Variants in TMC2 observed in about 807,000 individuals in gnomAD.
TMC2 encodes transmembrane channel-like protein 2.
A neutral mutation model predicts 105.9 loss-of-function variants in TMC2; 102 were observed. The ratio of observed to expected loss-of-function variants is 0.96; its 90% CI spans 0.82 to 1.14. The LOEUF is 1.14. TMC2 is among the 50% of genes most tolerant of loss of function. The pLI, the probability that TMC2 is intolerant of heterozygous loss-of-function variation, is 0.00. For synonymous variants in TMC2, 402 were observed against 422.8 expected (o/e 0.95, Z 0.60); for missense variants, 1,093 against 1,134.3 (o/e 0.96, Z 0.52).
chr20:2,569,326 C>A (rs1345813023), intron 4 of TMC2, among the ~76,000 whole-genome samples: 2 of 152,214 alleles, frequency 1.3e-5, no homozygotes, highest in African/African-American at 4.8e-5. Flanking sequence ...TCTCATCCAA[C>A]TTTAACAGGG....
intron 10 of TMC2, among the ~76,000 whole-genome samples, chr20:2,599,821 T>C (rs1052256941): frequency 1.3e-5 from 2 of 152,146 alleles, no homozygotes; most frequent in African/African-American, 4.8e-5. Flanking sequence ...CTAGCAAAGC[T>C]CACATTACAC....
At chr20:2,633,692 A>G (rs1810804163) in intron 17 of TMC2, among the ~76,000 whole-genome samples, 1 of 152,168 alleles carries the variant, frequency 6.6e-6, no homozygotes, top group Non-Finnish European at 1.5e-5. Flanking sequence ...TACCTCCTCC[A>G]GTGACTGCCA....
chr20:2,585,200 A>G (rs563582983), intron 7 of TMC2, among the ~76,000 whole-genome samples: 1 of 152,200 alleles, frequency 6.6e-6, no homozygotes, highest in South Asian at 2.1e-4. Context: ...GGATTGTAAT[A>G]TTCCACCATA....
intron 7 of TMC2, among the ~76,000 whole-genome samples, chr20:2,589,890 C>T (rs1293912572): frequency 2.0e-5 from 3 of 152,108 alleles, no homozygotes; most frequent in East Asian, 1.9e-4. Context: ...AGGATGGTCT[C>T]GATCTTCTGA....
At chr20:2,606,339 AACCTCC>A in intron 11 of TMC2, among the ~76,000 whole-genome samples, 1 of 152,294 alleles carries the variant, frequency 6.6e-6, no homozygotes, top group Middle Eastern at 3.4e-3. Flanking sequence ...GGCTCACTGC[AACCTCC>A]ACCTCCTGGG....
intron 17 of TMC2, among the ~76,000 whole-genome samples, chr20:2,634,510 T>C (rs952750747): frequency 2.0e-5 from 3 of 152,124 alleles, no homozygotes; most frequent in Non-Finnish European, 4.4e-5. Flanking sequence ...AGGGATGACA[T>C]GATAGTGACA....
intron 2 of TMC2, among the ~76,000 whole-genome samples, chr20:2,540,967 G>T (rs556028720): frequency 6.6e-6 from 1 of 152,158 alleles, no homozygotes; most frequent in East Asian, 1.9e-4. Context: ...ACACACCCGG[G>T]ACGCAGCTCT....
rs577679010 is a variant in TMC2, at chr20:2,625,047, C to T, written c.2306+651C>T. Among the ~76,000 whole-genome samples, 11 of 152,288 alleles carry T rather than the reference C, an allele frequency of 7.2e-5. No homozygotes were observed. In the East Asian group the frequency reaches 2.1e-3, roughly 29 times the overall value. On this transcript the variant is annotated intron_variant, in intron 17 of 19. Coordinates refer to ENST00000358864, the MANE Select transcript of TMC2 (RefSeq NM_080751.3). ...TCGAAAATCTCTGTATCCCCGGTGC[C>T]AGCCTAATGCCTAGAGCATAGCAGG... is the stretch of plus-strand genomic sequence containing the variant.
intron 7 of TMC2, among the ~76,000 whole-genome samples, chr20:2,583,101 G>A (rs979947617): frequency 2.0e-5 from 3 of 152,190 alleles, no homozygotes; most frequent in Non-Finnish European, 2.9e-5. Flanking sequence ...GACTCTGAGG[G>A]TATGGTCTTG....
rs946009190 is a variant in TMC2 at position 2,592,241 on chromosome 20, A to C, written c.835-69A>C. ...CTCTGAGAAGGAAAGCATTTACCCCAGTATATGAATGTCTCTGTGTGTTTG... is the reference window on the plus strand; with the variant it reads ...CTCTGAGAAGGAAAGCATTTACCCCCGTATATGAATGTCTCTGTGTGTTTG... On this transcript the variant is annotated intron_variant, in intron 7 of 19. Transcript: ENST00000358864. This position sits in a 1 kb window ranked among gnomAD's most constrained non-coding sequence, Gnocchi z 4.9. 2.1e-6 allele frequency: 2 copies of C among 937,020 alleles called. No individual in the cohort carries two copies. Among genetic ancestry groups the C allele is most frequent in the Non-Finnish European group, 3.5e-6 (2 of 575,480 alleles). 58.0% of individuals were successfully genotyped at this position (937,020 alleles called of 1,614,324 possible).
chr20:2,572,640 C>T (rs1042585420), intron 5 of TMC2, among the ~76,000 whole-genome samples: 23 of 152,062 alleles, frequency 1.5e-4, no homozygotes, highest in African/African-American at 5.3e-4. Flanking sequence ...TGATAAACAG[C>T]GATGTCCCCA....
Position 2,612,191 on chromosome 20 carries a change from C to A in TMC2, c.1594C>A (p.Leu532Ile). Residue 532 changes from leucine (L) to isoleucine (I), a missense_variant and splice_region_variant, in exon 13 of 20, where the codon CTT becomes ATT. Leu to Ile is a conservative substitution (Grantham distance 5). Coordinates refer to ENST00000358864, the MANE Select transcript of TMC2 (RefSeq NM_080751.3). ...CCCACACCTCCATCTTCTGTTCTAG[C>A]TTGCTAATGAAGAGACAATAAAGAA... ...LALMDDVHLK[L>I]ANEETIKNIT... 3 of 1,594,008 alleles carry A rather than the reference C, an allele frequency of 1.9e-6. No individual in the cohort carries two copies. Among genetic ancestry groups the A allele is most frequent in the Non-Finnish European group, 2.6e-6 (3 of 1,165,724 alleles).
At chr20:2,537,218 A>AG (rs1308345745) in intron 1 of TMC2, 51 bp from the exon 2 acceptor site, 1 of 1,544,266 alleles carries the variant, frequency 6.5e-7, no homozygotes, top group African/African-American at 1.4e-5. Context: ...GTCTGCAGGG[A>AG]GGGGGACTCA....
chr20:2,562,017 A>T lies in TMC2; in HGVS notation c.554+7A>T. On this transcript the variant is annotated splice_region_variant and intron_variant, in intron 4 of 19. Transcript: ENST00000358864. ...AGAAGCTGACAGAGCTCAGGTGAGC[A>T]GGCTGCGGGTCAGCCAGGGCCTTCC... The T allele has an allele frequency of 6.2e-7, 1 of 1,612,822 alleles. No homozygotes were observed. Among genetic ancestry groups the T allele is most frequent in the Non-Finnish European group, 8.5e-7 (1 of 1,179,414 alleles).
At chr20:2,631,918 T>C (rs1202080603) in intron 17 of TMC2, among the ~76,000 whole-genome samples, 1 of 152,224 alleles carries the variant, frequency 6.6e-6, no homozygotes, top group Non-Finnish European at 1.5e-5. Context: ...CATGTGTTGA[T>C]ACATTTGCTG....
intron 11 of TMC2, among the ~76,000 whole-genome samples, chr20:2,606,238 C>T (rs979562410): frequency 3.9e-5 from 6 of 152,100 alleles, no homozygotes; most frequent in African/African-American, 1.4e-4. Flanking sequence ...TTGATATTCT[C>T]AGGTACACAG....
intron 18 of TMC2, 79 bp from the exon 19 acceptor site, chr20:2,637,395 A>AAAAG: frequency 1.2e-6 from 1 of 861,034 alleles, no homozygotes. Context: ...CTCAAAAAAA[A>AAAAG]AAAAAATCAC....
intron 11 of TMC2, among the ~76,000 whole-genome samples, chr20:2,605,100 C>A (rs1384079887): frequency 1.3e-5 from 2 of 152,126 alleles, no homozygotes; most frequent in African/African-American, 4.8e-5. Context: ...GAGCCCTTCA[C>A]CTGTGGAGTC....
chr20:2,597,230 T>C lies in TMC2; in HGVS notation c.1156T>C (p.Trp386Arg). 1 of 1,614,160 alleles carries C rather than the reference T, an allele frequency of 6.2e-7. No individual in the cohort carries two copies. The highest frequency in any genetic ancestry group is 8.5e-7 in the Non-Finnish European group (1 of 1,180,000). ...ATTCAGCTTCAAGATGTTCACCAGC[T>C]GGGACTACCTGATCGGGAATTCAGA... ...FTFSFKMFTS[W>R]DYLIGNSETA... Residue 386 changes from tryptophan (W) to arginine (R), a missense_variant, in exon 10 of 20, where the codon TGG becomes CGG. Transcript: ENST00000358864.
Sources: gnomAD v4.1 joint callset for allele counts (sites outside exome capture counted in the v4.1 genomes callset) on GRCh38, gnomAD v4.1.1 for gene constraint, Gnocchi (gnomAD v3.1) non-coding constraint, MANE v1.5 for transcripts, NCBI Gene and HGNC (gene_info 2026-07-23, HGNC 2026-07-21) for gene names.